Variants in ABL1 observed in about 807,000 individuals in gnomAD.
ABL1 encodes tyrosine-protein kinase ABL1.
A neutral mutation model predicts 94.7 loss-of-function variants in ABL1; 11 were observed. The observed-to-expected ratio is 0.12, with a 90% CI of 0.07 to 0.19. The LOEUF is 0.19. ABL1 is among the 10% of genes least tolerant of loss of function. The pLI is 1.00. For synonymous variants in ABL1, 656 were observed against 622.4 expected (o/e 1.05, Z -0.80); for missense variants, 1,082 against 1,489.4 (o/e 0.73, Z 4.50).
intron 1 of ABL1, among the ~76,000 whole-genome samples, chr9:130,826,327 G>A (rs1392549645): frequency 6.6e-6 from 1 of 151,832 alleles, no homozygotes; most frequent in Non-Finnish European, 1.5e-5. Context: ...CGCCATGTTG[G>A]CCAGGCTGGT....
chr9:130,838,015 TG>T (rs1180635835), intron 1 of ABL1, among the ~76,000 whole-genome samples: 2 of 152,278 alleles, frequency 1.3e-5, no homozygotes, highest in African/African-American at 2.4e-5. Flanking sequence ...AAAGCAACAC[TG>T]GTAAACATAA....
intron 1 of ABL1, among the ~76,000 whole-genome samples, chr9:130,820,443 G>A (rs1357872374): frequency 6.6e-6 from 1 of 152,202 alleles, no homozygotes; most frequent in Non-Finnish European, 1.5e-5. Context: ...TTTCTCAGAT[G>A]TCTTTATTTG....
At chr9:130,751,129 C>CCTTT (rs1831959917) in intron 1 of ABL1, among the ~76,000 whole-genome samples, 1 of 57,482 alleles carries the variant, frequency 1.7e-5, no homozygotes, top group African/African-American at 7.9e-5. Context: ...TTTTATTCAG[C>CCTTT]TTTTTTTTTT....
chr9:130,714,632 T>G (rs929878705), intron 1 of ABL1: 2 of 822,716 alleles, frequency 2.4e-6, no homozygotes, highest in Non-Finnish European at 4.1e-6. Flanking sequence ...ACTTCGTGAC[T>G]TCGGCTTTAT....
chr9:130,832,424 T>C (rs1830504767), upstream of ABL1, among the ~76,000 whole-genome samples: 1 of 152,244 alleles, frequency 6.6e-6, no homozygotes, highest in Non-Finnish European at 1.5e-5. Context: ...TTTCATCTTC[T>C]GATCTTACTC....
chr9:130,861,747 T>C (rs1564315039), intron 3 of ABL1, among the ~76,000 whole-genome samples: 1 of 152,240 alleles, frequency 6.6e-6, no homozygotes, highest in Non-Finnish European at 1.5e-5. Flanking sequence ...TCAGTGATGG[T>C]TGGCTACCCT....
At position 130,835,872 on chromosome 9, in the gene ABL1, C is replaced by T. The variant is rs527471795; in HGVS notation, c.79+347C>T. Among the ~76,000 whole-genome samples, 5 of 152,318 alleles carry T rather than the reference C, an allele frequency of 3.3e-5. No homozygotes were observed. Among genetic ancestry groups the T allele is most frequent in the African/African-American group, 4.8e-5 (2 of 41,576 alleles). ...CACGCCGGATGGTGACGGCGGCGTC[C>T]GGGGCCCCACAGTGCGGGCTCCCCC... On this transcript the variant is annotated intron_variant, in intron 1 of 10. Transcript: ENST00000318560. This position sits in a 1 kb window ranked among gnomAD's most constrained non-coding sequence, Gnocchi z 4.6.
intron 1 of ABL1, among the ~76,000 whole-genome samples, chr9:130,844,212 T>TA (rs1260225689): frequency 6.6e-6 from 1 of 151,872 alleles, no homozygotes; most frequent in Non-Finnish European, 1.5e-5. Context: ...ATGGCCCTGA[T>TA]AGTAGGGAGT....
intron 1 of ABL1, among the ~76,000 whole-genome samples, chr9:130,787,267 C>T (rs987453772): frequency 6.6e-6 from 1 of 152,168 alleles, no homozygotes; most frequent in Non-Finnish European, 1.5e-5. Context: ...TAGGCAGGTA[C>T]TGTGTGCCTG....
At chr9:130,745,050 G>C (rs1446468779) in intron 1 of ABL1, among the ~76,000 whole-genome samples, 1 of 151,546 alleles carries the variant, frequency 6.6e-6, no homozygotes, top group Non-Finnish European at 1.5e-5. Context: ...AGGTAGAGTG[G>C]TGAGAAGGGT....
In ABL1 at chr9:130,811,911, C is replaced by CAA. The variant is rs1203330162; in HGVS notation, c.137-42128_137-42127dup. Among the ~76,000 whole-genome samples, 32 of 18,534 alleles carry CAA rather than the reference C, an allele frequency of 1.7e-3. 3 individuals carry two copies. The highest frequency in any genetic ancestry group is 2.1e-3 in the Non-Finnish European group (16 of 7,588). 12.2% of individuals were successfully genotyped at this position (18,534 alleles called of 152,430 possible). A position where few individuals can be genotyped will look rare whatever the true frequency, so the allele number is the denominator to read the frequency against. On this transcript the variant is annotated intron_variant, in intron 1 of 10. Coordinates refer to the ABL1 transcript ENST00000372348. ...TGAGCGACAGAGTGAGACTCCGTCT[C>CAA]AAAAAAAAAAAAAAAAAAAAAAAAA...
At chr9:130,834,352 C>T (rs919378974), upstream of ABL1, among the ~76,000 whole-genome samples, 1 of 151,978 alleles carries the variant, frequency 6.6e-6, no homozygotes, top group Non-Finnish European at 1.5e-5. Context: ...GGGAACTTAC[C>T]TGATTTTATT....
chr9:130,842,308 A>G (rs1383100478), intron 1 of ABL1, among the ~76,000 whole-genome samples: 1 of 152,218 alleles, frequency 6.6e-6, no homozygotes, highest in African/African-American at 2.4e-5. Flanking sequence ...TTCAGTGCAG[A>G]TGAAGTGCTG....
rs192092968 is a variant in ABL1 at position 130,883,377 on chromosome 9, G to T, written c.1679-592G>T. Among the ~76,000 whole-genome samples, 6 of 152,138 alleles carry T rather than the reference G, an allele frequency of 3.9e-5. No homozygotes were observed. In the East Asian group the frequency reaches 1.2e-3, roughly 29 times the overall value. ...CCAGGCGTGGTAGCGGGTGCCTATA[G>T]TCCTAGCTACTTGGGAGGCTGAGGC... is the stretch of plus-strand genomic sequence containing the variant. On this transcript the variant is annotated intron_variant, in intron 10 of 10. Coordinates refer to ENST00000318560, the MANE Select transcript of ABL1 (RefSeq NM_005157.6).
At chr9:130,858,871 T>C (rs896288264) in intron 3 of ABL1, among the ~76,000 whole-genome samples, 1 of 152,174 alleles carries the variant, frequency 6.6e-6, no homozygotes, top group Non-Finnish European at 1.5e-5. Context: ...TGGCTCTTAT[T>C]TGTGTCTCTC....
At chr9:130,842,785 C>G (rs886123622) in intron 1 of ABL1, among the ~76,000 whole-genome samples, 2 of 152,204 alleles carry the variant, frequency 1.3e-5, no homozygotes, top group African/African-American at 4.8e-5. Flanking sequence ...ATAAAAATGC[C>G]TTTGTGGGTA....
intron 1 of ABL1, among the ~76,000 whole-genome samples, chr9:130,775,304 T>G (rs1049631183): frequency 3.3e-5 from 5 of 152,224 alleles, no homozygotes; most frequent in African/African-American, 1.2e-4. Context: ...AGTAGAACTA[T>G]AGTACTTTAT....
At chr9:130,818,072 A>G (rs914123559) in intron 1 of ABL1, among the ~76,000 whole-genome samples, 1 of 152,236 alleles carries the variant, frequency 6.6e-6, no homozygotes, top group Non-Finnish European at 1.5e-5. Flanking sequence ...AGTTCACACC[A>G]TATGTATTCA....
rs1830563256 is a variant in ABL1 at position 130,835,646 on chromosome 9, TTTTC to T, written c.79+128_79+131del. 1.5e-6 allele frequency: 1 copy of T among 658,362 alleles called. No individual in the cohort carries two copies. The allele number at this position is 658,362 out of a possible 1,614,324, so 40.8% of individuals were successfully genotyped here. A position where few individuals can be genotyped will look rare whatever the true frequency, so the allele number is the denominator to read the frequency against. ...GCGCCCTCCCCGGGTCTTGTCTTTT[TTTTC>T]TTTCTTCCCTCTTCTCTTCTCTTCT... is the stretch of plus-strand genomic sequence containing the variant. On this transcript the variant is annotated intron_variant, in intron 1 of 10. Coordinates refer to ENST00000318560, the MANE Select transcript of ABL1 (RefSeq NM_005157.6). The surrounding 1 kb of genome is among the most constrained non-coding windows in gnomAD (Gnocchi z 4.6).
Sources: gnomAD v4.1 joint callset for allele counts (sites outside exome capture counted in the v4.1 genomes callset) on GRCh38, gnomAD v4.1.1 for gene constraint, Gnocchi (gnomAD v3.1) non-coding constraint, MANE v1.5 for transcripts, NCBI Gene and HGNC (gene_info 2026-07-23, HGNC 2026-07-21) for gene names.